The following GRID2 variants were observed in gnomAD, a reference collection of about 807,000 sequenced individuals.
GRID2 encodes glutamate receptor ionotropic, delta-2.
Under a neutral mutation model 114.8 loss-of-function variants are expected in GRID2, and 33 were observed. That is an observed-to-expected ratio of 0.29 (90% CI 0.22 to 0.38). The LOEUF is 0.38. Among genes scored for constraint, GRID2 ranks in the 10% least tolerant of loss-of-function variants. The probability of loss-of-function intolerance (pLI) is 1.00; values close to 1 mark genes in which losing one functional copy is unlikely to be tolerated. For synonymous variants in GRID2, 505 were observed against 449.9 expected, an observed-to-expected ratio of 1.12 and a Z score of -1.55; for missense variants, 1,184 against 1,257.7, an observed-to-expected ratio of 0.94 and a Z score of 0.89.
intron 1 of GRID2, among the ~76,000 whole-genome samples, chr4:92,508,693 G>C (rs919157882): frequency 2.0e-5 from 3 of 151,968 alleles, no homozygotes; most frequent in African/African-American, 7.2e-5. Context: ...GAGAGAGTTG[G>C]ATCTTGTAAG....
At chr4:93,729,335 G>A (rs1440088903) in intron 14 of GRID2, among the ~76,000 whole-genome samples, 1 of 152,138 alleles carries the variant, frequency 6.6e-6, no homozygotes. Flanking sequence ...GATGAGACAA[G>A]ACTGAAAAAC....
intron 14 of GRID2, among the ~76,000 whole-genome samples, chr4:93,764,623 C>T (rs1197144977): frequency 6.6e-6 from 1 of 152,078 alleles, no homozygotes; most frequent in African/African-American, 2.4e-5. Context: ...TTATGCATCA[C>T]CATGGTGTAA....
At chr4:93,159,408 TC>T (rs2149405684) in intron 4 of GRID2, among the ~76,000 whole-genome samples, 1 of 151,944 alleles carries the variant, frequency 6.6e-6, no homozygotes, top group East Asian at 1.9e-4. Context: ...TTTTGAGTCA[TC>T]CAGTCATTTG....
At chr4:92,913,049 T>G (rs2149492803) in intron 2 of GRID2, among the ~76,000 whole-genome samples, 1 of 152,008 alleles carries the variant, frequency 6.6e-6, no homozygotes, top group Admixed American at 6.6e-5. Flanking sequence ...ACTTTGTGGT[T>G]TAAGATTATA....
rs542289628 is a variant in GRID2, at chr4:93,412,609, C to T, written c.1348-10162C>T. On this transcript the variant is annotated intron_variant, in intron 9 of 15. Transcript: ENST00000282020. Reference sequence around the variant, plus strand: ...TTTTTCTTTTATTTTACTTTAAGTTCCAGGATACATGTGTAGAATGCGCAG... The same window carrying T: ...TTTTTCTTTTATTTTACTTTAAGTTTCAGGATACATGTGTAGAATGCGCAG... 1.2e-3 allele frequency among the ~76,000 whole-genome samples: 186 copies of T among 152,044 alleles called. 1 individual carries two copies. Among genetic ancestry groups the T allele is most frequent in the Non-Finnish European group, 2.2e-3 (149 of 67,990 alleles).
chr4:92,882,796 A>G (rs1578381246), intron 2 of GRID2, among the ~76,000 whole-genome samples: 1 of 152,258 alleles, frequency 6.6e-6, no homozygotes, highest in Non-Finnish European at 1.5e-5. Flanking sequence ...ATGTCTAAAA[A>G]ATGTACATAT....
chr4:93,541,803 C>T (rs1242688838), intron 13 of GRID2, among the ~76,000 whole-genome samples: 1 of 152,150 alleles, frequency 6.6e-6, no homozygotes, highest in Non-Finnish European at 1.5e-5. Flanking sequence ...TTTTGCGTTT[C>T]ATGATATCAC....
chr4:92,857,514 G>A (rs988274146), intron 2 of GRID2, among the ~76,000 whole-genome samples: 2 of 152,188 alleles, frequency 1.3e-5, no homozygotes, highest in African/African-American at 2.4e-5. Context: ...ATTTCTTTAA[G>A]TCAAAGCCCT....
rs770845389 is a variant in GRID2, at chr4:93,238,362, C to A, written c.1126-9C>A. On this transcript the variant is annotated splice_polypyrimidine_tract_variant and intron_variant, in intron 7 of 15. Coordinates refer to ENST00000282020, the MANE Select transcript of GRID2 (RefSeq NM_001510.4). ...CAAATTTTACATCAGTATCTGTTCTCTCCTTTAGGGTGGAGTTAGTGGGTT... is the reference window on the plus strand; with the variant it reads ...CAAATTTTACATCAGTATCTGTTCTATCCTTTAGGGTGGAGTTAGTGGGTT... The A allele has an allele frequency of 3.1e-6, 5 of 1,594,658 alleles. No homozygotes were observed. The highest frequency in any genetic ancestry group is 2.2e-5 in the East Asian group (1 of 44,484).
chr4:92,696,103 A>G (rs1734413100), intron 2 of GRID2, among the ~76,000 whole-genome samples: 1 of 152,152 alleles, frequency 6.6e-6, no homozygotes, highest in Non-Finnish European at 1.5e-5. Flanking sequence ...ATAAAATTTA[A>G]CATAGATTTT....
intron 13 of GRID2, among the ~76,000 whole-genome samples, chr4:93,560,222 TAAAAAAAA>T (rs70942974): frequency 2.8e-4 from 12 of 42,956 alleles, no homozygotes; most frequent in South Asian, 2.8e-3. Context: ...GAACTTAAAG[TAAAAAAAA>T]AAAAAAAAAA....
chr4:92,895,052 A>T (rs1700643218), intron 2 of GRID2, among the ~76,000 whole-genome samples: 1 of 151,976 alleles, frequency 6.6e-6, no homozygotes, highest in Admixed American at 6.6e-5. Context: ...AAGTTAATCA[A>T]TATATTATAT....
At chr4:92,594,029 T>C (rs1728833934) in intron 2 of GRID2, among the ~76,000 whole-genome samples, 1 of 151,648 alleles carries the variant, frequency 6.6e-6, no homozygotes, top group Admixed American at 6.6e-5. Context: ...TTAGATGAAA[T>C]AATTGAGACC....
chr4:92,467,119 A>G (rs1721797422), intron 1 of GRID2, among the ~76,000 whole-genome samples: 1 of 151,746 alleles, frequency 6.6e-6, no homozygotes, highest in African/African-American at 2.4e-5. Context: ...AAGTTGAAAA[A>G]GCGAATGTTA....
intron 2 of GRID2, among the ~76,000 whole-genome samples, chr4:93,067,194 T>G (rs1039645194): frequency 6.6e-6 from 1 of 152,064 alleles, no homozygotes; most frequent in African/African-American, 2.4e-5. Flanking sequence ...TGCAGTGAGG[T>G]TGCCCAGAAA....
intron 14 of GRID2, among the ~76,000 whole-genome samples, chr4:93,680,004 G>C (rs1006068094): frequency 6.6e-6 from 1 of 150,700 alleles, no homozygotes; most frequent in South Asian, 2.1e-4. Flanking sequence ...TTTTTTGAAA[G>C]GATCAACAAA....
At chr4:93,792,592 A>G (rs979178201) in intron 1 of GRID2, among the ~76,000 whole-genome samples, 1 of 152,148 alleles carries the variant, frequency 6.6e-6, no homozygotes, top group Non-Finnish European at 1.5e-5. Flanking sequence ...TCATGCTGGG[A>G]ACCCTACCAC....
chr4:92,871,187 G>C (rs1745247185), intron 2 of GRID2, among the ~76,000 whole-genome samples: 1 of 151,712 alleles, frequency 6.6e-6, no homozygotes, highest in Non-Finnish European at 1.5e-5. Flanking sequence ...TTCTGACTTG[G>C]TCACTAACTT....
chr4:92,449,962 A>G (rs1192150523), intron 1 of GRID2, among the ~76,000 whole-genome samples: 1 of 151,776 alleles, frequency 6.6e-6, no homozygotes, highest in Non-Finnish European at 1.5e-5. Context: ...ATCTTGGCTC[A>G]CAGTAAGAGC....
Sources: allele counts gnomAD v4.1 joint callset (sites outside exome capture counted in the v4.1 genomes callset), GRCh38; gene constraint gnomAD v4.1.1; transcripts MANE v1.5; gene names NCBI Gene and HGNC (gene_info 2026-07-23, HGNC 2026-07-21).